Variants in SLC24A2 observed in about 807,000 individuals in gnomAD.
The protein encoded by SLC24A2 is sodium/potassium/calcium exchanger 2.
A neutral mutation model predicts 62.0 loss-of-function variants in SLC24A2; 36 were observed. The observed-to-expected ratio is 0.58, with a 90% CI of 0.44 to 0.77. SLC24A2 has a LOEUF of 0.77. Among genes scored for constraint, SLC24A2 ranks in the 30% least tolerant of loss-of-function variants. The pLI, the probability that SLC24A2 is intolerant of heterozygous loss-of-function variation, is 0.00. For missense variants in SLC24A2, 846 were observed against 817.9 expected, an observed-to-expected ratio of 1.03 and a Z score of -0.42; for synonymous variants, 358 against 294.0, an observed-to-expected ratio of 1.22 and a Z score of -2.23.
chr9:20,247,406 C>T, the SLC24A2 span, among the ~76,000 whole-genome samples: 307 of 152,246 alleles, frequency 2.0e-3, 5 homozygotes, highest in Non-Finnish European at 1.8e-3. Context: ...AATCCTCACC[C>T]CTAAGGTGAT....
intron 7 of SLC24A2, among the ~76,000 whole-genome samples, chr9:19,564,643 G>A (rs1020895783): frequency 2.6e-5 from 4 of 152,038 alleles, no homozygotes; most frequent in African/African-American, 9.7e-5. Flanking sequence ...CCAAAGCAGG[G>A]ACAATTCTGA....
intron 2 of SLC24A2, among the ~76,000 whole-genome samples, chr9:19,679,591 C>T (rs1819656034): frequency 6.6e-6 from 1 of 152,096 alleles, no homozygotes; most frequent in Non-Finnish European, 1.5e-5. Flanking sequence ...GGGCATTGTG[C>T]AATCTATTGA....
At chr9:19,564,670 A>G (rs189641185) in intron 7 of SLC24A2, among the ~76,000 whole-genome samples, 3 of 152,334 alleles carry the variant, frequency 2.0e-5, no homozygotes, top group Admixed American at 2.0e-4. Context: ...TAAGGACAGA[A>G]GGAAATCTTA....
the SLC24A2 span, among the ~76,000 whole-genome samples, chr9:20,287,541 G>C: frequency 6.6e-6 from 1 of 152,186 alleles, no homozygotes; most frequent in Admixed American, 6.5e-5. Flanking sequence ...AAATAAGACA[G>C]AGCAAGTATA....
chr9:19,971,603 T>C, the SLC24A2 span, among the ~76,000 whole-genome samples: 5 of 152,040 alleles, frequency 3.3e-5, no homozygotes, highest in Non-Finnish European at 5.9e-5. Flanking sequence ...TATGGACCAT[T>C]GTCAATTGGA....
chr9:19,762,351 A>G (rs201064772), intron 2 of SLC24A2, among the ~76,000 whole-genome samples: 3 of 151,986 alleles, frequency 2.0e-5, no homozygotes, highest in Non-Finnish European at 1.5e-5. Flanking sequence ...TGTTGCCATT[A>G]CTTTTGGTGT....
At chr9:19,606,643 A>AACACACACACACACGC (rs1336243104) in intron 4 of SLC24A2, among the ~76,000 whole-genome samples, 1 of 151,862 alleles carries the variant, frequency 6.6e-6, no homozygotes, top group African/African-American at 2.4e-5. Context: ...AATATATGAG[A>AACACACACACACACGC]ACACACACAC....
chr9:20,041,563 T>C, the SLC24A2 span, among the ~76,000 whole-genome samples: 3 of 152,100 alleles, frequency 2.0e-5, no homozygotes, highest in Non-Finnish European at 2.9e-5. Context: ...CCTTGTATCA[T>C]CAAAATCAGT....
At chr9:20,185,456 G>C in the SLC24A2 span, among the ~76,000 whole-genome samples, 2 of 151,990 alleles carry the variant, frequency 1.3e-5, no homozygotes, top group South Asian at 2.1e-4. Flanking sequence ...AAGAGGTCAG[G>C]AGATCTAGAC....
At chr9:19,639,988 G>C (rs1377969645) in intron 2 of SLC24A2, among the ~76,000 whole-genome samples, 1 of 152,186 alleles carries the variant, frequency 6.6e-6, no homozygotes, top group Non-Finnish European at 1.5e-5. Context: ...TTTGTGAATG[G>C]ATTTCTAAGA....
chr9:20,163,222 C>T, the SLC24A2 span, among the ~76,000 whole-genome samples: 1 of 152,178 alleles, frequency 6.6e-6, no homozygotes, highest in South Asian at 2.1e-4. Context: ...GATTTTATAT[C>T]TAGAAAACCC....
the SLC24A2 span, among the ~76,000 whole-genome samples, chr9:20,208,880 T>A: frequency 2.0e-4 from 31 of 152,340 alleles, no homozygotes; most frequent in African/African-American, 7.5e-4. Context: ...TTCAGCTGGT[T>A]TGTTGGACAT....
At chr9:20,257,018 T>G in the SLC24A2 span, among the ~76,000 whole-genome samples, 1 of 152,202 alleles carries the variant, frequency 6.6e-6, no homozygotes, top group South Asian at 2.1e-4. Flanking sequence ...TTCTTGTATT[T>G]GCCTTTGGTT....
At chr9:20,174,656 G>A in the SLC24A2 span, among the ~76,000 whole-genome samples, 198 of 151,860 alleles carry the variant, frequency 1.3e-3, 2 homozygotes, top group African/African-American at 4.4e-3. Flanking sequence ...ATGCAATACC[G>A]CCTTATTCCT....
chr9:20,039,737 G>C, the SLC24A2 span, among the ~76,000 whole-genome samples: 2 of 152,086 alleles, frequency 1.3e-5, no homozygotes, highest in Non-Finnish European at 2.9e-5. Context: ...TGGAGAATGA[G>C]GTAGGAACCA....
the SLC24A2 span, among the ~76,000 whole-genome samples, chr9:20,064,503 T>A: frequency 2.0e-5 from 3 of 152,230 alleles, no homozygotes; most frequent in Non-Finnish European, 4.4e-5. Context: ...TTTGTTTAAA[T>A]TTTTAAGGGA....
the SLC24A2 span, among the ~76,000 whole-genome samples, chr9:20,042,794 C>A: frequency 6.6e-6 from 1 of 152,156 alleles, no homozygotes; most frequent in African/African-American, 2.4e-5. Flanking sequence ...ATAATGCTTG[C>A]AATATTTCAA....
chr9:19,738,573 T>C (rs949737620), intron 2 of SLC24A2, among the ~76,000 whole-genome samples: 1 of 152,056 alleles, frequency 6.6e-6, no homozygotes, highest in Non-Finnish European at 1.5e-5. Flanking sequence ...TCAGAAAATA[T>C]GGCTGTATAT....
chr9:19,624,588 C>G (rs1287499276), intron 2 of SLC24A2, among the ~76,000 whole-genome samples: 3 of 152,144 alleles, frequency 2.0e-5, no homozygotes, highest in Admixed American at 6.6e-5. Flanking sequence ...AAACTGAGTG[C>G]AGAGACAGGC....
Sources: allele counts gnomAD v4.1 joint callset (sites outside exome capture counted in the v4.1 genomes callset), GRCh38; gene constraint gnomAD v4.1.1; transcripts MANE v1.5; gene names NCBI Gene and HGNC (gene_info 2026-07-23, HGNC 2026-07-21).